The following ARID1B variants were observed in gnomAD, a reference collection of about 807,000 sequenced individuals.
The protein encoded by ARID1B is AT-rich interactive domain-containing protein 1B.
In ARID1B, 30 loss-of-function variants were observed where a neutral mutation model predicts 212.3. The ratio of observed to expected loss-of-function variants is 0.14; its 90% CI spans 0.11 to 0.19. The LOEUF (loss-of-function observed/expected upper bound fraction) is 0.19, where lower values mean the gene tolerates loss of function less well. Among genes scored for constraint, ARID1B ranks in the 10% least tolerant of loss-of-function variants. The pLI is 1.00. For synonymous variants in ARID1B, 1,402 were observed against 1,301.7 expected (o/e 1.08, Z -1.66); for missense variants, 2,891 against 3,204.0 (o/e 0.90, Z 2.36).
chr6:156,829,509 AT>A (rs1782996128), intron 2 of ARID1B, 88 bp downstream of exon 2: 1 of 1,266,014 alleles, frequency 7.9e-7, no homozygotes, highest in African/African-American at 1.5e-5. Flanking sequence ...GTTAAAGAGA[AT>A]TAGGGGGCAT....
At chr6:156,897,212 GCTGCTGCTTCTT>G (rs1232599840) in intron 2 of ARID1B, among the ~76,000 whole-genome samples, 13 of 70,038 alleles carry the variant, frequency 1.9e-4, no homozygotes, top group African/African-American at 6.0e-4. Flanking sequence ...TGCTGCTGCT[GCTGCTGCTTCTT>G]CTTCTTCTTC....
At chr6:157,155,339 G>A (rs965999101) in intron 8 of ARID1B, among the ~76,000 whole-genome samples, 2 of 152,118 alleles carry the variant, frequency 1.3e-5, no homozygotes, top group African/African-American at 4.8e-5. Flanking sequence ...AGAGTGGGAA[G>A]GTAGTGATAT....
Position 157,149,170 on chromosome 6 carries a change from G to A in ARID1B, c.3089+219G>A, listed in dbSNP as rs80114752. On this transcript the variant is annotated intron_variant, in intron 8 of 19. Transcript: ENST00000636930. Reference sequence around the variant, plus strand: ...TGATACATGAGGAAGGAATGTGAGCGGTGAGCACATCAGTCGTGGGAGGTG... The same window carrying A: ...TGATACATGAGGAAGGAATGTGAGCAGTGAGCACATCAGTCGTGGGAGGTG... The A allele has an allele frequency of 4.4e-3, 2,556 of 576,876 alleles. 36 individuals are homozygous for A. Among genetic ancestry groups the A allele is most frequent in the African/African-American group, 0.041 (2,197 of 53,734 alleles). The allele number at this position is 576,876 out of a possible 1,614,324, so 35.7% of individuals were successfully genotyped here. A position where few individuals can be genotyped will look rare whatever the true frequency, so the allele number is the denominator to read the frequency against.
At chr6:157,061,912 C>T (rs1003370146) in intron 4 of ARID1B, among the ~76,000 whole-genome samples, 8 of 152,104 alleles carry the variant, frequency 5.3e-5, no homozygotes, top group East Asian at 1.9e-4. Context: ...AAACGTGCAT[C>T]GTGTGGTAGG....
chr6:157,144,691 C>T (rs1385624760), intron 7 of ARID1B, among the ~76,000 whole-genome samples: 1 of 151,868 alleles, frequency 6.6e-6, no homozygotes, highest in African/African-American at 2.4e-5. Context: ...GAGGAAGGGC[C>T]CAGCAGCTGG....
At chr6:156,936,997 ACT>A (rs1423615708) in intron 4 of ARID1B, 2 of 151,836 alleles carry the variant, frequency 1.3e-5, no homozygotes, top group African/African-American at 2.4e-5. Flanking sequence ...TATTTTTGAA[ACT>A]CTAATTTTTA....
chr6:156,880,195 C>T lies in ARID1B; in HGVS notation c.1987-21181C>T, dbSNP rs534706391. On this transcript the variant is annotated intron_variant, in intron 2 of 19. Transcript: ENST00000636930. ...GCAAATGACCAGTCGTTTAGTAGAG[C>T]GGGTCAAAGGAAAAGAAGGATGTGA... Among the ~76,000 whole-genome samples, 104 of 151,616 alleles carry T rather than the reference C, an allele frequency of 6.9e-4. 1 individual carries two copies. The Middle Eastern group carries it at 0.014, about 20-fold the overall frequency.
intron 4 of ARID1B, among the ~76,000 whole-genome samples, chr6:157,012,705 C>T (rs567724328): frequency 6.6e-6 from 1 of 152,272 alleles, no homozygotes; most frequent in South Asian, 2.1e-4. Flanking sequence ...ATTTGGCTTC[C>T]GTTTTCCTCA....
chr6:156,830,176 T>C (rs1330118526), intron 2 of ARID1B, among the ~76,000 whole-genome samples: 2 of 152,306 alleles, frequency 1.3e-5, no homozygotes, highest in African/African-American at 4.8e-5. Flanking sequence ...TGGAAAAGAC[T>C]AAATTAGATT....
At chr6:156,796,058 G>A (rs151006744) in intron 1 of ARID1B, among the ~76,000 whole-genome samples, 175 of 152,266 alleles carry the variant, frequency 1.1e-3, no homozygotes, top group African/African-American at 4.0e-3. Flanking sequence ...TGGGTTTTCA[G>A]CGTGTGTGCT....
chr6:156,896,465 A>G (rs188238197), intron 2 of ARID1B, among the ~76,000 whole-genome samples: 1 of 151,026 alleles, frequency 6.6e-6, no homozygotes, highest in Admixed American at 6.6e-5. Context: ...AATCCCAGCT[A>G]CTCAGGAGGC....
At chr6:157,149,600 C>T (rs1031979641) in intron 8 of ARID1B, 4 of 152,094 alleles carry the variant, frequency 2.6e-5, no homozygotes, top group African/African-American at 7.2e-5. Context: ...CATTTTTAAT[C>T]CCGACTTAAA....
chr6:156,776,722 C>T (rs1262630681), upstream of ARID1B: 1 of 152,216 alleles, frequency 6.6e-6, no homozygotes, highest in East Asian at 1.9e-4. Flanking sequence ...TTTAAGGTGC[C>T]TTCAAAAAGA....
At chr6:156,885,123 A>C (rs2128176020) in intron 2 of ARID1B, among the ~76,000 whole-genome samples, 1 of 152,222 alleles carries the variant, frequency 6.6e-6, no homozygotes, top group East Asian at 1.9e-4. Context: ...AAAATAAAGT[A>C]AAATTGGAAT....
chr6:156,900,174 A>G (rs1788802080), intron 2 of ARID1B, among the ~76,000 whole-genome samples: 1 of 152,230 alleles, frequency 6.6e-6, no homozygotes, highest in African/African-American at 2.4e-5. Flanking sequence ...CTGTGTGATG[A>G]GAGGCATTGT....
chr6:156,992,310 C>T (rs1778318914), intron 4 of ARID1B, among the ~76,000 whole-genome samples: 1 of 152,092 alleles, frequency 6.6e-6, no homozygotes, highest in Admixed American at 6.5e-5. Context: ...TTCGGTTGCT[C>T]CCTTCTAAGT....
intron 4 of ARID1B, among the ~76,000 whole-genome samples, chr6:156,966,480 G>A (rs137959418): frequency 0.042 from 5,838 of 140,318 alleles, 135 homozygotes; most frequent in Middle Eastern, 0.06. Context: ...TGCAACCTCC[G>A]CCTCCCGGGT....
At chr6:156,979,397 C>A (rs1342763455) in intron 4 of ARID1B, among the ~76,000 whole-genome samples, 2 of 152,072 alleles carry the variant, frequency 1.3e-5, no homozygotes, top group Non-Finnish European at 2.9e-5. Flanking sequence ...ATTACCTGCC[C>A]CAGTGATGAG....
intron 16 of ARID1B, 74 bp from the exon 17 acceptor site, chr6:157,198,737 G>C: frequency 7.6e-7 from 1 of 1,323,136 alleles, no homozygotes; most frequent in Admixed American, 2.0e-5. Context: ...CAGGGTTCCA[G>C]AAATGGATTG....
Sources: gnomAD v4.1 joint callset for allele counts (sites outside exome capture counted in the v4.1 genomes callset) on GRCh38, gnomAD v4.1.1 for gene constraint, MANE v1.5 for transcripts, NCBI Gene and HGNC (gene_info 2026-07-23, HGNC 2026-07-21) for gene names.